IL1R2: variants seen among roughly 807,000 people sequenced by gnomAD.
IL1R2 encodes the protein interleukin-1 receptor type 2.
In IL1R2, 46 loss-of-function variants were observed where a neutral mutation model predicts 39.5. That is an observed-to-expected ratio of 1.16 (90% CI 0.92 to 1.49). IL1R2 has a LOEUF of 1.49. IL1R2 is among the 40% of genes most tolerant of loss of function. IL1R2 has a pLI of 0.00. For synonymous variants in IL1R2, 207 were observed against 189.6 expected (o/e 1.09, Z -0.75); for missense variants, 537 against 502.0 (o/e 1.07, Z -0.67).
At chr2:102,007,886 C>T (rs1676363471) in intron 1 of IL1R2, among the ~76,000 whole-genome samples, 1 of 152,306 alleles carries the variant, frequency 6.6e-6, no homozygotes, top group African/African-American at 2.4e-5. Context: ...AATCTTTTAT[C>T]TGTACGCTCT....
chr2:101,996,436 G>A (rs1675589933), intron 1 of IL1R2, among the ~76,000 whole-genome samples: 1 of 150,432 alleles, frequency 6.6e-6, no homozygotes, highest in African/African-American at 2.4e-5. Context: ...TGCTGAGGGT[G>A]AGAGATTTTC....
At chr2:101,996,507 G>GT (rs1675598605) in intron 1 of IL1R2, among the ~76,000 whole-genome samples, 1 of 31,910 alleles carries the variant, frequency 3.1e-5, no homozygotes, top group African/African-American at 1.9e-4. Flanking sequence ...TTTTTTTTTG[G>GT]GGGGGAGAAT....
intron 3 of IL1R2, among the ~76,000 whole-genome samples, chr2:102,013,576 G>GAAAAAAAAAAAAAAAAAAAAAA (rs1559421494): frequency 1.8e-5 from 1 of 54,720 alleles, no homozygotes; most frequent in South Asian, 5.7e-4. Flanking sequence ...AGAAAAGAAG[G>GAAAAAAAAAAAAAAAAAAAAAA]AAAAGAAAAA....
intron 1 of IL1R2, among the ~76,000 whole-genome samples, chr2:101,999,927 A>G (rs1675768345): frequency 6.6e-6 from 1 of 152,254 alleles, no homozygotes; most frequent in African/African-American, 2.4e-5. Flanking sequence ...TATATGTTCT[A>G]TAATATGGAT....
rs73943934 is a variant in IL1R2 at position 102,008,231 on chromosome 2, G to A, written c.-61-284G>A. 9.2e-3 allele frequency among the ~76,000 whole-genome samples: 1,396 copies of A among 152,358 alleles called. 20 individuals carry two copies. The highest frequency in any genetic ancestry group is 0.032 in the African/African-American group (1,325 of 41,586). ...AGGAAGCAGCATCTCTGGCCAAGGCGCAGGAATGGCTAAGGGAGGTCTCTG... is the reference window on the plus strand; with the variant it reads ...AGGAAGCAGCATCTCTGGCCAAGGCACAGGAATGGCTAAGGGAGGTCTCTG... On this transcript the variant is annotated intron_variant, in intron 1 of 8. Transcript: ENST00000332549.
At chr2:102,017,333 G>A (rs1328967402) in intron 4 of IL1R2, among the ~76,000 whole-genome samples, 1 of 151,164 alleles carries the variant, frequency 6.6e-6, no homozygotes, top group Non-Finnish European at 1.5e-5. Context: ...GGAGGTGGAG[G>A]TTGCAGTGAG....
chr2:102,017,794 G>T (rs1014228395), intron 4 of IL1R2, among the ~76,000 whole-genome samples: 6 of 152,142 alleles, frequency 3.9e-5, no homozygotes, highest in African/African-American at 1.4e-4. Context: ...ACATGGCCTA[G>T]TTGTGATGGA....
At chr2:102,012,052 G>A (rs779630356) in intron 3 of IL1R2, among the ~76,000 whole-genome samples, 7 of 152,190 alleles carry the variant, frequency 4.6e-5, no homozygotes, top group Non-Finnish European at 1.0e-4. Flanking sequence ...CTTGATGGAT[G>A]AAGTTTTAGG....
intron 5 of IL1R2, among the ~76,000 whole-genome samples, chr2:102,021,061 C>A (rs1032102465): frequency 1.3e-5 from 2 of 152,168 alleles, no homozygotes; most frequent in Non-Finnish European, 2.9e-5. Context: ...GATGCCCCAG[C>A]TCCATAGGGC....
intron 1 of IL1R2, among the ~76,000 whole-genome samples, chr2:102,000,966 G>T (rs145915428): frequency 1.2e-4 from 18 of 152,314 alleles, no homozygotes; most frequent in African/African-American, 4.3e-4. Context: ...GATGCCTAGG[G>T]CCTCACAGGT....
At chr2:101,997,652 G>A (rs1344553767) in intron 1 of IL1R2, among the ~76,000 whole-genome samples, 1 of 152,192 alleles carries the variant, frequency 6.6e-6, no homozygotes, top group Non-Finnish European at 1.5e-5. Context: ...TCCTGGGAGT[G>A]CAGGGGAAGG....
At chr2:101,996,864 C>T (rs1266318629) in intron 1 of IL1R2, among the ~76,000 whole-genome samples, 2 of 150,746 alleles carry the variant, frequency 1.3e-5, no homozygotes, top group Non-Finnish European at 2.9e-5. Context: ...TAAAGCTTTG[C>T]CAGGAGGAAT....
intron 3 of IL1R2, among the ~76,000 whole-genome samples, chr2:102,013,555 AAAG>A (rs1676785196): frequency 8.0e-5 from 8 of 99,850 alleles, no homozygotes; most frequent in East Asian, 6.1e-4. Flanking sequence ...AAAAAAAAGG[AAAG>A]AAAGAAAAGA....
At chr2:101,996,929 C>A (rs1675620423) in intron 1 of IL1R2, among the ~76,000 whole-genome samples, 1 of 152,124 alleles carries the variant, frequency 6.6e-6, no homozygotes, top group Non-Finnish European at 1.5e-5. Flanking sequence ...AAGCCTGCTG[C>A]TACATGTATT....
In IL1R2 at chr2:101,997,349, AAAATGTTTAGC is replaced by A. The variant is rs899163318; in HGVS notation, c.-62+5341_-62+5351del. ...GGCTTAGACTGTCCAGGTGATACTCAAAATGTTTAGCAACCAGCAGGGCATGAGTACCAGCC... is the reference window on the plus strand; with the variant it reads ...GGCTTAGACTGTCCAGGTGATACTCAAACCAGCAGGGCATGAGTACCAGCC... On this transcript the variant is annotated intron_variant, in intron 1 of 8. Transcript: ENST00000332549. Among the ~76,000 whole-genome samples, 78 of 152,322 alleles carry A rather than the reference AAAATGTTTAGC, an allele frequency of 5.1e-4. 1 individual carries two copies. The highest frequency in any genetic ancestry group is 1.6e-3 in the African/African-American group (68 of 41,572).
intron 1 of IL1R2, among the ~76,000 whole-genome samples, chr2:101,996,324 G>C (rs1354898153): frequency 1.3e-5 from 2 of 152,086 alleles, no homozygotes; most frequent in Non-Finnish European, 2.9e-5. Context: ...CTTGCCCACA[G>C]ACCCAGGGCA....
chr2:102,020,973 C>A (rs1677344277), intron 5 of IL1R2, among the ~76,000 whole-genome samples: 1 of 152,186 alleles, frequency 6.6e-6, no homozygotes, highest in Non-Finnish European at 1.5e-5. Context: ...TCATCTGTGT[C>A]TCACAAGCCC....
intron 6 of IL1R2, 71 bp from the exon 7 acceptor site, chr2:102,024,462 A>G (rs1384626155): frequency 1.0e-5 from 11 of 1,096,322 alleles, no homozygotes; most frequent in Non-Finnish European, 1.5e-5. Context: ...GGAGGGACTC[A>G]GGGCTCAGGT....
chr2:102,012,271 T>A (rs900049072), intron 3 of IL1R2, among the ~76,000 whole-genome samples: 1 of 152,356 alleles, frequency 6.6e-6, no homozygotes, highest in East Asian at 1.9e-4. Flanking sequence ...CTTCAGCTGC[T>A]TCTTCTGTTC....
Sources: allele counts gnomAD v4.1 joint callset (sites outside exome capture counted in the v4.1 genomes callset), GRCh38; gene constraint gnomAD v4.1.1; transcripts MANE v1.5; gene names NCBI Gene and HGNC (gene_info 2026-07-23, HGNC 2026-07-21).